XRCC1: variants seen among roughly 807,000 people sequenced by gnomAD.
The protein encoded by XRCC1 is X-ray repair cross complementing 1.
XRCC1 carries 52 observed loss-of-function variants against 83.3 expected under a neutral mutation model. That is an observed-to-expected ratio of 0.62 (90% CI 0.50 to 0.79). The LOEUF is 0.79. Ranked by LOEUF, XRCC1 falls within the 30% of genes least tolerant of loss-of-function variation. The pLI, the probability that XRCC1 is intolerant of heterozygous loss-of-function variation, is 0.00. For synonymous variants in XRCC1, 281 were observed against 312.6 expected (o/e 0.90, Z 1.07); for missense variants, 793 against 823.5 (o/e 0.96, Z 0.45).
chr19:43,545,810 T>C lies in XRCC1; in HGVS notation c.1621+8A>G, dbSNP rs1972502287. ...TGCCACTTCAGGAGGGATGGGGGGATTTCCCACCTGGGAGCTCAGGGACTG... is the reference window on the plus strand; with the variant it reads ...TGCCACTTCAGGAGGGATGGGGGGACTTCCCACCTGGGAGCTCAGGGACTG... On this transcript the variant is annotated splice_region_variant and intron_variant, in intron 14 of 16. Transcript: ENST00000262887. The C allele has an allele frequency of 6.2e-7, 1 of 1,613,206 alleles. No homozygotes were observed. Among genetic ancestry groups the C allele is most frequent in the African/African-American group, 1.3e-5 (1 of 74,872 alleles).
Position 43,545,841 on chromosome 19 carries a change from T to C in XRCC1, c.1598A>G (p.Asp533Gly), listed in dbSNP as rs1215835479. The change falls in exon 14 of 17, where the codon GAT (aspartate) becomes GGT (glycine). Residue 533 changes from aspartate to glycine, a missense_variant. Transcript: ENST00000262887. ...ACCTGGGAGCTCAGGGACTGGCAGA[T>C]CAGGAGGCTCCTGGTGTTCCTCACT... ...TDSEEHQEPP[D>G]LPVPELPDFF... 1 of 1,613,710 alleles carries C rather than the reference T, an allele frequency of 6.2e-7. No individual in the cohort carries two copies. Among genetic ancestry groups the C allele is most frequent in the African/African-American group, 1.3e-5 (1 of 74,860 alleles).
At chr19:43,548,510 A>G (rs1389297642) in intron 10 of XRCC1, among the ~76,000 whole-genome samples, 1 of 152,082 alleles carries the variant, frequency 6.6e-6, no homozygotes, top group Admixed American at 6.5e-5. Flanking sequence ...TGTTGTGTCC[A>G]CTCAGGGTTA....
chr19:43,548,173 G>A (rs1451799976), intron 10 of XRCC1, among the ~76,000 whole-genome samples: 3 of 148,110 alleles, frequency 2.0e-5, no homozygotes, highest in East Asian at 2.0e-4. Context: ...GCCTCCGCCC[G>A]GCCGCCGCCC....
Position 43,548,914 on chromosome 19 carries a change from G to T in XRCC1, c.1200-1937C>A, listed in dbSNP as rs565629554. ...CCCATTTTACAGGTGAGGAGACTAA[G>T]GCACAGAGAGATTATTTAATCTGCC... On this transcript the variant is annotated intron_variant, in intron 10 of 16. Coordinates refer to ENST00000262887, the MANE Select transcript of XRCC1 (RefSeq NM_006297.3). 4.4e-4 allele frequency among the ~76,000 whole-genome samples: 67 copies of T among 152,222 alleles called. 1 individual carries two copies. The South Asian group carries it at 4.8e-3, about 11-fold the overall frequency.
At chr19:43,562,163 A>C (rs1972706033) in intron 2 of XRCC1, among the ~76,000 whole-genome samples, 1 of 151,312 alleles carries the variant, frequency 6.6e-6, no homozygotes, top group Non-Finnish European at 1.5e-5. Context: ...AAAAAAAAAA[A>C]AACCAAGGTA....
In XRCC1 at chr19:43,552,789, T is replaced by C. The variant is rs1339888103; in HGVS notation, c.823+8A>G. 6.3e-7 allele frequency: 1 copy of C among 1,596,176 alleles called. No individual in the cohort carries two copies. ...CCCCTGTGGAAACAAGGGATCTAGT[T>C]AGCTCACATTTAGGTCTCTTGGGAA... On this transcript the variant is annotated splice_region_variant and intron_variant, in intron 8 of 16. Transcript: ENST00000262887.
intron 10 of XRCC1, among the ~76,000 whole-genome samples, chr19:43,547,244 T>C (rs370516872): frequency 6.6e-6 from 1 of 151,806 alleles, no homozygotes; most frequent in Non-Finnish European, 1.5e-5. Context: ...TGGAGTGCAG[T>C]GGCCTCATCT....
At chr19:43,569,523 CT>C (rs1972787247) in intron 2 of XRCC1, among the ~76,000 whole-genome samples, 1 of 151,812 alleles carries the variant, frequency 6.6e-6, no homozygotes. Context: ...TGGCTCATGC[CT>C]GTAATCCCAG....
intron 3 of XRCC1, among the ~76,000 whole-genome samples, chr19:43,557,769 G>GTGA (rs1972653202): frequency 1.7e-5 from 2 of 116,250 alleles, no homozygotes; most frequent in African/African-American, 3.3e-5. Flanking sequence ...TCCAGCCTGG[G>GTGA]CAACAGGAGC....
chr19:43,549,496 C>T (rs1208837774), intron 10 of XRCC1, among the ~76,000 whole-genome samples: 4 of 152,134 alleles, frequency 2.6e-5, no homozygotes, highest in Non-Finnish European at 5.9e-5. Flanking sequence ...CCTGATGTCA[C>T]GTGATCTGCC....
chr19:43,544,710 T>G (rs1972491162), intron 14 of XRCC1, among the ~76,000 whole-genome samples: 1 of 152,152 alleles, frequency 6.6e-6, no homozygotes, highest in African/African-American at 2.4e-5. Flanking sequence ...GGTATTGACA[T>G]GTTGCTCAGG....
chr19:43,553,616 G>T lies in XRCC1; in HGVS notation c.482C>A (p.Pro161Gln). Residue 161 changes from proline to glutamine, a missense_variant, in exon 5 of 17, where the codon CCG becomes CAG. Physicochemically the swap from Pro to Gln is moderately conservative, Grantham distance 76. Transcript: ENST00000262887. ...SPPDKDEAEA[P>Q]SQKVTVTKLG... ...GTGACAGGTACAGCTTACCTGGGACGGGGCCTCTGCCTCATCTTTGTCTGG... is the reference window on the plus strand; with the variant it reads ...GTGACAGGTACAGCTTACCTGGGACTGGGCCTCTGCCTCATCTTTGTCTGG... 1 of 1,595,824 alleles carries T rather than the reference G, an allele frequency of 6.3e-7. No homozygotes were observed. Among genetic ancestry groups the T allele is most frequent in the South Asian group, 1.1e-5 (1 of 90,150 alleles).
Position 43,551,698 on chromosome 19 carries a change from G to C in XRCC1, c.1083-11C>G. The C allele has an allele frequency of 3.1e-6, 5 of 1,609,804 alleles. No individual in the cohort carries two copies. Among genetic ancestry groups the C allele is most frequent in the Non-Finnish European group, 4.3e-6 (5 of 1,176,206 alleles). On this transcript the variant is annotated splice_polypyrimidine_tract_variant and intron_variant, in intron 9 of 16. Coordinates refer to ENST00000262887, the MANE Select transcript of XRCC1 (RefSeq NM_006297.3). ...TTGGCAAAGGCACAGCTGGTGGGGG[G>C]CAGAAGTGAAGATGCCAGTTAGGTG... is the stretch of plus-strand genomic sequence containing the variant.
chr19:43,551,988 G>A (rs1972580817), intron 9 of XRCC1, 29 bp downstream of exon 9: 1 of 1,609,850 alleles, frequency 6.2e-7, no homozygotes, highest in South Asian at 1.1e-5. Context: ...AGAAACTGCA[G>A]CGGCGCAGGG....
At chr19:43,547,902 C>G (rs144043715) in intron 10 of XRCC1, among the ~76,000 whole-genome samples, 178 of 152,248 alleles carry the variant, frequency 1.2e-3, no homozygotes, top group African/African-American at 4.0e-3. Flanking sequence ...AGGAAAATAC[C>G]CACCATTTAA....
At chr19:43,553,136 A>C (rs1048914812) in intron 6 of XRCC1, 45 bp from the exon 7 acceptor site, 3 of 1,530,388 alleles carry the variant, frequency 2.0e-6, no homozygotes, top group African/African-American at 1.4e-5. Flanking sequence ...GCTGAGCCCC[A>C]AGACCCTTTC....
intron 10 of XRCC1, among the ~76,000 whole-genome samples, chr19:43,549,615 G>A (rs959472721): frequency 3.3e-5 from 5 of 151,904 alleles, no homozygotes; most frequent in Admixed American, 6.6e-5. Context: ...GGAGTGCAGC[G>A]GTGCAATCAT....
chr19:43,571,834 C>T (rs1240093133), intron 2 of XRCC1, among the ~76,000 whole-genome samples: 4 of 152,202 alleles, frequency 2.6e-5, no homozygotes, highest in African/African-American at 9.6e-5. Context: ...TGTATTAAAA[C>T]AGTGCTTGGC....
chr19:43,572,405 G>C (rs1364159520), intron 2 of XRCC1, among the ~76,000 whole-genome samples: 1 of 152,230 alleles, frequency 6.6e-6, no homozygotes, highest in Non-Finnish European at 1.5e-5. Flanking sequence ...AAACAGGTTA[G>C]AGAAATGAAA....
Sources: gnomAD v4.1 joint callset for allele counts (sites outside exome capture counted in the v4.1 genomes callset) on GRCh38, gnomAD v4.1.1 for gene constraint, MANE v1.5 for transcripts, NCBI Gene and HGNC (gene_info 2026-07-23, HGNC 2026-07-21) for gene names.